The following CENPC variants were observed in gnomAD, a reference collection of about 807,000 sequenced individuals.
CENPC encodes the protein centromere protein C.
CENPC carries 63 observed loss-of-function variants against 112.1 expected under a neutral mutation model. The ratio of observed to expected loss-of-function variants is 0.56; its 90% CI spans 0.46 to 0.69. CENPC has a LOEUF of 0.69. Among genes scored for constraint, CENPC ranks in the 30% least tolerant of loss-of-function variants. The pLI is 0.00. For missense variants in CENPC, 1,000 were observed against 1,103.8 expected, an observed-to-expected ratio of 0.91 and a Z score of 1.33; for synonymous variants, 333 against 367.6, an observed-to-expected ratio of 0.91 and a Z score of 1.08.
intron 16 of CENPC, among the ~76,000 whole-genome samples, chr4:67,491,108 G>A (rs1725246511): frequency 6.6e-6 from 1 of 150,550 alleles, no homozygotes; most frequent in Non-Finnish European, 1.5e-5. Flanking sequence ...TATTTTCATG[G>A]CCAAAATTTT....
At chr4:67,489,215 C>T (rs1725171683) in intron 17 of CENPC, among the ~76,000 whole-genome samples, 1 of 151,318 alleles carries the variant, frequency 6.6e-6, no homozygotes, top group Non-Finnish European at 1.5e-5. Context: ...CACACACACA[C>T]ACACACATAC....
chr4:67,506,595 T>G (rs1352381739), intron 11 of CENPC, among the ~76,000 whole-genome samples, 193 bp downstream of exon 11: 1 of 152,184 alleles, frequency 6.6e-6, no homozygotes, highest in African/African-American at 2.4e-5. Context: ...ACCAGAAAGA[T>G]GACTGCTACC....
intron 7 of CENPC, among the ~76,000 whole-genome samples, chr4:67,517,679 A>G (rs1028475547): frequency 6.6e-6 from 1 of 151,836 alleles, no homozygotes; most frequent in African/African-American, 2.4e-5. Flanking sequence ...CTCTACTAAA[A>G]ATACAAATAT....
At chr4:67,500,624 G>T (rs1459039077) in intron 12 of CENPC, among the ~76,000 whole-genome samples, 1 of 152,110 alleles carries the variant, frequency 6.6e-6, no homozygotes, top group Non-Finnish European at 1.5e-5. Flanking sequence ...AAAATCCAGT[G>T]ACCAAATCTA....
chr4:67,492,191 A>C lies in CENPC; in HGVS notation c.2504T>G (p.Ile835Ser). 6.4e-7 allele frequency: 1 copy of C among 1,557,598 alleles called. No individual in the cohort carries two copies. Among genetic ancestry groups the C allele is most frequent in the Non-Finnish European group, 8.7e-7 (1 of 1,147,244 alleles). ...ATGCCTGATCTTACCCATGAGAATAATCTCTCTTGTTTCTGGGTCCTTTAC... is the reference window on the plus strand; with the variant it reads ...ATGCCTGATCTTACCCATGAGAATACTCTCTCTTGTTTCTGGGTCCTTTAC... ...TRVKDPETRE[I>S]ILMDLVRPQD... Residue 835 changes from isoleucine to serine, a missense_variant, in exon 16 of 19, where the codon ATT becomes AGT. Physicochemically the swap from Ile to Ser is moderately radical, Grantham distance 142 (BLOSUM62 -2). Coordinates refer to ENST00000273853, the MANE Select transcript of CENPC (RefSeq NM_001812.4).
chr4:67,515,165 A>T (rs1358808920), intron 7 of CENPC, among the ~76,000 whole-genome samples: 2 of 152,114 alleles, frequency 1.3e-5, no homozygotes, highest in East Asian at 3.9e-4. Context: ...ACTACTACTA[A>T]ATTATAAAAA....
In CENPC at chr4:67,471,778, T is replaced by A. The variant is rs1330266368; in HGVS notation, c.*827A>T. The stretch of plus-strand genomic sequence containing the variant: ...TGCTAACCATACCAAAAACCTTGAT[T>A]AGAATTTTTAGCTTAGATGTATTGA... On this transcript the variant is annotated 3_prime_UTR_variant, in exon 19 of 19. Transcript: ENST00000273853. The A allele has an allele frequency of 6.6e-6, 1 of 152,192 alleles. No homozygotes were observed. The highest frequency in any genetic ancestry group is 1.5e-5 in the Non-Finnish European group (1 of 68,040). 9.4% of individuals were successfully genotyped at this position (152,192 alleles called of 1,614,324 possible).
At chr4:67,489,432 T>C (rs1386256584) in intron 17 of CENPC, among the ~76,000 whole-genome samples, 2 of 152,042 alleles carry the variant, frequency 1.3e-5, no homozygotes, top group Non-Finnish European at 2.9e-5. Flanking sequence ...AGTCTATGTC[T>C]AAATAGTTAA....
At chr4:67,494,871 G>T (rs1725387140) in intron 13 of CENPC, among the ~76,000 whole-genome samples, 1 of 152,126 alleles carries the variant, frequency 6.6e-6, no homozygotes, top group Non-Finnish European at 1.5e-5. Flanking sequence ...CAGTTTCTTT[G>T]ACAAAATTCT....
At chr4:67,496,534 T>C (rs974367710) in intron 12 of CENPC, among the ~76,000 whole-genome samples, 2 of 152,198 alleles carry the variant, frequency 1.3e-5, no homozygotes, top group African/African-American at 2.4e-5. Context: ...GCTTTTATCA[T>C]ATTCTCAAAT....
chr4:67,508,660 T>C (rs355515), intron 10 of CENPC, among the ~76,000 whole-genome samples, 154 bp downstream of exon 10: 95,752 of 151,870 alleles, frequency 0.63, 30,453 homozygotes, highest in East Asian at 0.81. Flanking sequence ...CTGTGTGTCA[T>C]CCAGCTAATG....
intron 4 of CENPC, among the ~76,000 whole-genome samples, 183 bp from the exon 5 acceptor site, chr4:67,531,097 A>G (rs1350128662): frequency 6.6e-6 from 1 of 152,202 alleles, no homozygotes; most frequent in Non-Finnish European, 1.5e-5. Flanking sequence ...ACAATCTGGC[A>G]TTATTCAGTA....
intron 12 of CENPC, among the ~76,000 whole-genome samples, chr4:67,501,839 G>A (rs1219180875): frequency 6.6e-6 from 1 of 152,144 alleles, no homozygotes; most frequent in Non-Finnish European, 1.5e-5. Context: ...GAGGAGGCAG[G>A]GAGGGAGATG....
intron 17 of CENPC, 106 bp downstream of exon 17, chr4:67,489,861 T>A (rs560788710): frequency 1.1e-6 from 1 of 931,556 alleles, no homozygotes; most frequent in South Asian, 2.0e-5. Flanking sequence ...TGTGGTGTAG[T>A]AATCGAATTT....
At chr4:67,542,056 C>T (rs566947436) in intron 2 of CENPC, among the ~76,000 whole-genome samples, 162 of 152,282 alleles carry the variant, frequency 1.1e-3, no homozygotes, top group African/African-American at 3.6e-3. Flanking sequence ...ATGTTCCATG[C>T]TATGTGTGTA....
intron 16 of CENPC, 92 bp downstream of exon 16, chr4:67,492,088 G>T (rs1725298968): frequency 1.2e-6 from 1 of 829,646 alleles, no homozygotes; most frequent in Non-Finnish European, 1.9e-6. Context: ...ATTGGGGAGA[G>T]AAAGGGAAAG....
chr4:67,519,866 C>T (rs1462773420), intron 5 of CENPC, among the ~76,000 whole-genome samples: 1 of 152,116 alleles, frequency 6.6e-6, no homozygotes, highest in Admixed American at 6.6e-5. Context: ...TCCATATTCT[C>T]TTAACCCTCA....
intron 17 of CENPC, among the ~76,000 whole-genome samples, chr4:67,478,070 TAAG>T (rs1298275465): frequency 6.6e-6 from 1 of 151,450 alleles, no homozygotes; most frequent in East Asian, 1.9e-4. Flanking sequence ...CGACCACACA[TAAG>T]AATAATTGGT....
At chr4:67,481,326 G>A (rs1015281209) in intron 17 of CENPC, among the ~76,000 whole-genome samples, 2 of 152,086 alleles carry the variant, frequency 1.3e-5, no homozygotes, top group African/African-American at 4.8e-5. Flanking sequence ...ATGACATACT[G>A]CCAAAAGCAA....
Sources: allele counts gnomAD v4.1 joint callset (sites outside exome capture counted in the v4.1 genomes callset), GRCh38; gene constraint gnomAD v4.1.1; transcripts MANE v1.5; gene names NCBI Gene and HGNC (gene_info 2026-07-23, HGNC 2026-07-21).